The following SUGCT variants were observed in gnomAD, a reference collection of about 807,000 sequenced individuals.
SUGCT encodes the protein succinyl-CoA:glutarate-CoA transferase, also known as succinyl-CoA:glutarate CoA-transferase.
Under a neutral mutation model 55.0 loss-of-function variants are expected in SUGCT, and 41 were observed. That is an observed-to-expected ratio of 0.74 (90% CI 0.58 to 0.97). The LOEUF (loss-of-function observed/expected upper bound fraction) is 0.97. Among genes scored for constraint, SUGCT ranks in the 50% least tolerant of loss-of-function variants. The pLI, the probability that SUGCT is intolerant of heterozygous loss-of-function variation, is 0.00. For synonymous variants in SUGCT, 187 were observed against 200.4 expected, an observed-to-expected ratio of 0.93 and a Z score of 0.56; for missense variants, 568 against 547.8, an observed-to-expected ratio of 1.04 and a Z score of -0.37.
At chr7:40,136,712 T>C (rs1388271157) in intron 1 of SUGCT, among the ~76,000 whole-genome samples, 1 of 152,210 alleles carries the variant, frequency 6.6e-6, no homozygotes, top group Admixed American at 6.5e-5. Flanking sequence ...AGTGTTTAAC[T>C]TAATGCTTGG....
At chr7:40,274,464 C>A in intron 7 of SUGCT, 49 bp from the exon 8 acceptor site, 1 of 1,578,890 alleles carries the variant, frequency 6.3e-7, no homozygotes, top group Non-Finnish European at 8.6e-7. Flanking sequence ...TCATATGATT[C>A]TTTTAATGTT....
At chr7:40,820,542 T>C (rs1791934894) in intron 13 of SUGCT, among the ~76,000 whole-genome samples, 1 of 152,180 alleles carries the variant, frequency 6.6e-6, no homozygotes, top group Non-Finnish European at 1.5e-5. Context: ...GAATGGGAGT[T>C]CACTCATGAT....
chr7:40,932,414 G>T, the SUGCT span, among the ~76,000 whole-genome samples: 1 of 152,176 alleles, frequency 6.6e-6, no homozygotes, highest in South Asian at 2.1e-4. Flanking sequence ...ATTTTGGTTG[G>T]AGAGTTCTGT....
rs199631818 is a variant in SUGCT, at chr7:40,368,544, A to T, written c.816+51689A>T. Among the ~76,000 whole-genome samples the T allele has an allele frequency of 6.6e-5, 10 of 152,124 alleles. No individual in the cohort carries two copies. In the East Asian group the frequency reaches 1.9e-3, roughly 29 times the overall value. ...AAAGTTCTTACTTACACAGAAGCTG[A>T]TATGATCACTGCATAGACTTGGAAT... On this transcript the variant is annotated intron_variant, in intron 9 of 13. Coordinates refer to ENST00000335693, the MANE Select transcript of SUGCT (RefSeq NM_001193313.2).
chr7:40,713,044 A>G lies in SUGCT; in HGVS notation c.1090-36390A>G, dbSNP rs558087779. On this transcript the variant is annotated intron_variant, in intron 12 of 13. Transcript: ENST00000335693. ...TTTTTTCCATCAATGGCCCACTTCA[A>G]TTCAGAGGTCTTTAATGAAGGGAGG... 1.2e-4 allele frequency among the ~76,000 whole-genome samples: 18 copies of G among 152,324 alleles called. 1 individual carries two copies. The South Asian group carries it at 3.7e-3, about 32-fold the overall frequency.
chr7:40,854,419 CCTTT>C (rs70990650), intron 13 of SUGCT, among the ~76,000 whole-genome samples: 5,326 of 88,564 alleles, frequency 0.06, 121 homozygotes, highest in Admixed American at 0.07. Context: ...TTCTTTCTTT[CCTTT>C]CTTTCTTTCT....
the SUGCT span, among the ~76,000 whole-genome samples, chr7:40,993,033 G>C: frequency 1.3e-5 from 2 of 152,058 alleles, no homozygotes; most frequent in Non-Finnish European, 2.9e-5. Flanking sequence ...TCTCAACCTT[G>C]GATATGTGCA....
chr7:40,659,933 G>A (rs1417422978), intron 12 of SUGCT, among the ~76,000 whole-genome samples: 1 of 152,122 alleles, frequency 6.6e-6, no homozygotes, highest in East Asian at 1.9e-4. Context: ...TATTAAACTA[G>A]AGAGGAAATG....
At chr7:40,948,948 A>G in the SUGCT span, among the ~76,000 whole-genome samples, 1 of 152,230 alleles carries the variant, frequency 6.6e-6, no homozygotes, top group Non-Finnish European at 1.5e-5. Flanking sequence ...AGCATGATTT[A>G]TAATCCTTTG....
At chr7:40,653,963 G>T (rs987802660) in intron 12 of SUGCT, among the ~76,000 whole-genome samples, 1 of 151,730 alleles carries the variant, frequency 6.6e-6, no homozygotes, top group African/African-American at 2.4e-5. Flanking sequence ...TTTCCTACTG[G>T]AGACATATGG....
At chr7:40,975,007 G>A in the SUGCT span, among the ~76,000 whole-genome samples, 56,499 of 152,022 alleles carry the variant, frequency 0.37, 10,586 homozygotes, top group South Asian at 0.42. Context: ...TGCACCTGGC[G>A]CAGTAGGTGG....
At chr7:40,195,222 CTTTT>C (rs11326653) in intron 6 of SUGCT, among the ~76,000 whole-genome samples, 162 bp downstream of exon 6, 3 of 101,300 alleles carry the variant, frequency 3.0e-5, no homozygotes, top group Admixed American at 1.1e-4. Context: ...TTTCTTTTTT[CTTTT>C]TTTTTTTTTT....
At position 40,459,257 on chromosome 7, in the gene SUGCT, G is replaced by T; in HGVS notation, c.986+59G>T. ...ATTAATATGTGATAAGCATTTATCT[G>T]GTGTTTTATATGTTTTTTTCTTGGC... On this transcript the variant is annotated intron_variant, in intron 11 of 13. Transcript: ENST00000335693. 4.5e-6 allele frequency: 5 copies of T among 1,107,046 alleles called. No homozygotes were observed. In the South Asian group the frequency reaches 7.5e-5, roughly 17 times the overall value. 68.6% of individuals were successfully genotyped at this position (1,107,046 alleles called of 1,614,324 possible).
intron 12 of SUGCT, among the ~76,000 whole-genome samples, chr7:40,598,127 T>C (rs1040432181): frequency 3.3e-5 from 5 of 152,200 alleles, no homozygotes; most frequent in Admixed American, 1.3e-4. Flanking sequence ...GGTCCAGATC[T>C]CTGCATAGGT....
At chr7:40,269,174 T>C (rs1791823697) in intron 7 of SUGCT, among the ~76,000 whole-genome samples, 1 of 152,218 alleles carries the variant, frequency 6.6e-6, no homozygotes, top group Non-Finnish European at 1.5e-5. Context: ...ACTGTGGTTT[T>C]AATTTACATT....
At chr7:40,213,140 A>G (rs1202284320) in intron 6 of SUGCT, among the ~76,000 whole-genome samples, 1 of 152,136 alleles carries the variant, frequency 6.6e-6, no homozygotes, top group African/African-American at 2.4e-5. Flanking sequence ...TATCTTATCA[A>G]TTACTGAGAA....
At chr7:40,596,746 C>G (rs1177355534) in intron 12 of SUGCT, among the ~76,000 whole-genome samples, 1 of 152,146 alleles carries the variant, frequency 6.6e-6, no homozygotes, top group Non-Finnish European at 1.5e-5. Context: ...GTATTCGTTG[C>G]CTTCCTGTCA....
chr7:40,575,592 TG>T (rs1376966332), intron 12 of SUGCT, among the ~76,000 whole-genome samples: 1 of 148,636 alleles, frequency 6.7e-6, no homozygotes, highest in East Asian at 1.9e-4. Context: ...AGTATTTAAA[TG>T]GGAAAAAAAA....
At chr7:40,382,672 A>G (rs1784928284) in intron 9 of SUGCT, among the ~76,000 whole-genome samples, 1 of 152,250 alleles carries the variant, frequency 6.6e-6, no homozygotes, top group Admixed American at 6.5e-5. Context: ...TGTGTTAAAT[A>G]GCAAGGAACT....
Sources: allele counts gnomAD v4.1 joint callset (sites outside exome capture counted in the v4.1 genomes callset), GRCh38; gene constraint gnomAD v4.1.1; transcripts MANE v1.5; gene names NCBI Gene and HGNC (gene_info 2026-07-23, HGNC 2026-07-21).